Variants in MAPK6 observed in about 807,000 individuals in gnomAD.
MAPK6 encodes the protein ERK-3.
Under a neutral mutation model 59.3 loss-of-function variants are expected in MAPK6, and 19 were observed. The observed-to-expected ratio is 0.32, with a 90% CI of 0.22 to 0.47. The LOEUF (loss-of-function observed/expected upper bound fraction) is 0.47. MAPK6 is among the 20% of genes least tolerant of loss of function. The pLI is 1.00. For missense variants in MAPK6, 724 were observed against 847.9 expected, an observed-to-expected ratio of 0.85 and a Z score of 1.81; for synonymous variants, 316 against 290.3, an observed-to-expected ratio of 1.09 and a Z score of -0.90.
At chr15:51,988,804 G>C (rs568514156) in intron 2 of MAPK6, among the ~76,000 whole-genome samples, 24 of 151,930 alleles carry the variant, frequency 1.6e-4, no homozygotes, top group African/African-American at 5.8e-4. Flanking sequence ...CTAGAGACCA[G>C]AAGTTAGTTC....
At chr15:52,055,744 G>T (rs1197413213) in intron 3 of MAPK6, among the ~76,000 whole-genome samples, 1 of 152,142 alleles carries the variant, frequency 6.6e-6, no homozygotes, top group East Asian at 1.9e-4. Flanking sequence ...TTGAACTCCT[G>T]ACCTCAGGTC....
chr15:51,998,687 A>ATTTTTTTTTTTTTATTTTTTTTTTTTTT (rs2057233227), intron 2 of MAPK6, among the ~76,000 whole-genome samples: 1 of 38,472 alleles, frequency 2.6e-5, no homozygotes, highest in Admixed American at 5.6e-4. Flanking sequence ...TGCCTGGTTA[A>ATTTTTTTTTTTTTATTTTTTTTTTTTTT]TTTTTTTTTT....
intron 3 of MAPK6, among the ~76,000 whole-genome samples, chr15:52,010,514 CT>C (rs762352581): frequency 0.02 from 1,801 of 91,838 alleles, 16 homozygotes; most frequent in African/African-American, 0.053. Flanking sequence ...TGCACCCAGC[CT>C]TTTTTTTTTT....
intron 2 of MAPK6, among the ~76,000 whole-genome samples, chr15:52,048,777 G>A (rs1170956689): frequency 6.6e-6 from 1 of 151,810 alleles, no homozygotes; most frequent in Non-Finnish European, 1.5e-5. Context: ...ACTTTAGGAG[G>A]CCGGGGCAGG....
At chr15:51,998,687 ATTT>A (rs964775744) in intron 2 of MAPK6, among the ~76,000 whole-genome samples, 2 of 38,472 alleles carry the variant, frequency 5.2e-5, no homozygotes, top group African/African-American at 8.8e-5. Flanking sequence ...TGCCTGGTTA[ATTT>A]TTTTTTTTTT....
intron 1 of MAPK6, chr15:52,027,560 T>C (rs1259200830): frequency 6.6e-6 from 1 of 151,080 alleles, no homozygotes. Flanking sequence ...TTGTATCCCA[T>C]GTAGATTGTG....
At chr15:52,059,456 T>TA (rs1465472478) in intron 4 of MAPK6, among the ~76,000 whole-genome samples, 2 of 152,132 alleles carry the variant, frequency 1.3e-5, no homozygotes, top group Non-Finnish European at 2.9e-5. Flanking sequence ...GCTGAACTAG[T>TA]AATTCTGAAT....
At chr15:52,056,642 T>C (rs554295376) in intron 3 of MAPK6, 1 of 152,352 alleles carries the variant, frequency 6.6e-6, no homozygotes, top group African/African-American at 2.4e-5. Context: ...TTCAGGTGCT[T>C]TTTCACCTGT....
intron 2 of MAPK6, among the ~76,000 whole-genome samples, chr15:51,996,209 A>G (rs1343849026): frequency 6.6e-6 from 1 of 152,182 alleles, no homozygotes; most frequent in Non-Finnish European, 1.5e-5. Context: ...CCCTTATCGT[A>G]TAACAGAAGA....
chr15:51,985,665 A>C (rs2057188660), intron 2 of MAPK6, among the ~76,000 whole-genome samples: 2 of 150,772 alleles, frequency 1.3e-5, no homozygotes, highest in South Asian at 4.2e-4. Context: ...AAAAACAAAA[A>C]ACAAAAAACC....
At chr15:52,001,845 T>A (rs186974000) in intron 2 of MAPK6, among the ~76,000 whole-genome samples, 2 of 152,336 alleles carry the variant, frequency 1.3e-5, no homozygotes, top group African/African-American at 4.8e-5. Flanking sequence ...GACTCAATTC[T>A]GTAGGCTCAG....
At chr15:52,033,582 C>T (rs529922997) in intron 1 of MAPK6, 5 of 152,284 alleles carry the variant, frequency 3.3e-5, no homozygotes, top group African/African-American at 1.2e-4. Flanking sequence ...TGTTAGCCTC[C>T]CTGCTTTTGA....
chr15:52,030,860 C>T (rs1227953436), intron 1 of MAPK6, among the ~76,000 whole-genome samples: 2 of 150,192 alleles, frequency 1.3e-5, no homozygotes, highest in African/African-American at 2.5e-5. Flanking sequence ...GGCGTGATCT[C>T]GGCTGACTGC....
At chr15:52,008,854 G>A (rs1464633119) in intron 3 of MAPK6, among the ~76,000 whole-genome samples, 1 of 152,166 alleles carries the variant, frequency 6.6e-6, no homozygotes, top group Non-Finnish European at 1.5e-5. Flanking sequence ...ATTGCCAGAG[G>A]CAATGATGAA....
chr15:51,973,663 T>G (rs886977416), intron 1 of MAPK6, among the ~76,000 whole-genome samples: 2 of 151,944 alleles, frequency 1.3e-5, no homozygotes, highest in Admixed American at 1.3e-4. Flanking sequence ...GCTACACTTT[T>G]TTTTTTTAAA....
chr15:52,027,092 G>T (rs754799249), intron 1 of MAPK6, among the ~76,000 whole-genome samples: 1 of 151,552 alleles, frequency 6.6e-6, no homozygotes, highest in Non-Finnish European at 1.5e-5. Flanking sequence ...GGTGGCTAAT[G>T]CCTGTAATCC....
intron 3 of MAPK6, among the ~76,000 whole-genome samples, chr15:52,058,428 AAGC>A (rs2032065223): frequency 6.6e-6 from 1 of 152,230 alleles, no homozygotes; most frequent in African/African-American, 2.4e-5. Context: ...TATGGAAACA[AAGC>A]AGCAAAAACT....
At chr15:51,995,558 CT>C (rs2057221840) in intron 2 of MAPK6, among the ~76,000 whole-genome samples, 1 of 152,168 alleles carries the variant, frequency 6.6e-6, no homozygotes, top group Non-Finnish European at 1.5e-5. Flanking sequence ...CCTGGGGAAA[CT>C]TTGAAAAGGA....
intron 1 of MAPK6, among the ~76,000 whole-genome samples, chr15:51,982,930 G>A (rs2057179035): frequency 6.6e-6 from 1 of 152,148 alleles, no homozygotes; most frequent in South Asian, 2.1e-4. Context: ...TGACAGGCAG[G>A]ATTAATTCCT....
Sources: allele counts gnomAD v4.1 joint callset (sites outside exome capture counted in the v4.1 genomes callset), GRCh38; gene constraint gnomAD v4.1.1; transcripts MANE v1.5; gene names NCBI Gene and HGNC (gene_info 2026-07-23, HGNC 2026-07-21).